Variants in GLOD4 observed in about 807,000 individuals in gnomAD.
The protein encoded by GLOD4 is glyoxalase domain containing 4, also known as glyoxalase domain-containing protein 4.
GLOD4 carries 44 observed loss-of-function variants against 39.1 expected under a neutral mutation model. That is an observed-to-expected ratio of 1.13 (90% confidence interval 0.88 to 1.45). GLOD4 has a LOEUF of 1.45. GLOD4 is among the 40% of genes most tolerant of loss of function. The pLI is 0.00. For synonymous variants in GLOD4, 145 were observed against 135.0 expected (o/e 1.07, Z -0.52); for missense variants, 405 against 366.4 (o/e 1.11, Z -0.86).
In GLOD4 at chr17:782,245, C is replaced by G; in HGVS notation, c.11G>C (p.Arg4Pro). ...TTTGAATACGAAGTGCAGAGCTCTG[C>G]GAGCAGCCATGATTCCCGCCGCACG... MAARRALHFVFKVG... is the reference protein window; with the variant it reads MAAPRALHFVFKVG... Residue 4 changes from arginine (R) to proline (P), a missense_variant, in exon 1 of 9, where the codon CGC becomes CCC. Arg to Pro is a moderately radical substitution (Grantham distance 103, BLOSUM62 -2). Coordinates refer to ENST00000301329, the MANE Select transcript of GLOD4 (RefSeq NM_016080.4). 6.2e-7 allele frequency: 1 copy of G among 1,613,216 alleles called. No individual in the cohort carries two copies. Among genetic ancestry groups the G allele is most frequent in the East Asian group, 2.2e-5 (1 of 44,848 alleles).
At chr17:784,257 C>G (rs533103827), upstream of GLOD4, among the ~76,000 whole-genome samples, 1 of 152,224 alleles carries the variant, frequency 6.6e-6, no homozygotes, top group African/African-American at 2.4e-5. Flanking sequence ...GGGGAACCAT[C>G]TCTTGTCTCT....
intron 8 of GLOD4, among the ~76,000 whole-genome samples, chr17:768,070 G>A (rs1378885164): frequency 2.0e-5 from 3 of 148,024 alleles, no homozygotes; most frequent in East Asian, 4.1e-4. Flanking sequence ...GAGAAACAGC[G>A]CGCACTCAGA....
upstream of GLOD4, chr17:783,591 C>CAG: frequency 6.3e-6 from 2 of 316,182 alleles, no homozygotes; most frequent in South Asian, 3.4e-5. Context: ...CCTGCCTCGG[C>CAG]CTCCCAAAGT....
intron 8 of GLOD4, among the ~76,000 whole-genome samples, chr17:765,821 T>C (rs1425124584): frequency 6.7e-6 from 1 of 150,236 alleles, no homozygotes; most frequent in Non-Finnish European, 1.5e-5. Flanking sequence ...TGGTGGTGCG[T>C]GCCTGTAATC....
chr17:770,662 G>A (rs1907799777), intron 5 of GLOD4, 155 bp from the exon 6 acceptor site: 2 of 552,250 alleles, frequency 3.6e-6, no homozygotes, highest in Non-Finnish European at 6.5e-6. Flanking sequence ...ACACTTTCCT[G>A]TGTATCCTTC....
At chr17:780,395 T>G (rs1275424085) in intron 1 of GLOD4, among the ~76,000 whole-genome samples, 2 of 152,150 alleles carry the variant, frequency 1.3e-5, no homozygotes, top group African/African-American at 4.8e-5. Flanking sequence ...TCCCATCTCC[T>G]TAACTTCAAC....
intron 4 of GLOD4, among the ~76,000 whole-genome samples, chr17:773,411 T>A (rs1908331112): frequency 6.6e-6 from 1 of 152,190 alleles, no homozygotes; most frequent in Non-Finnish European, 1.5e-5. Flanking sequence ...AAAAAGGATA[T>A]ACAGAAATGT....
chr17:782,719 T>C, upstream of GLOD4: 1 of 1,570,136 alleles, frequency 6.4e-7, no homozygotes. Context: ...GCCTGTCGAA[T>C]GTTCTCGTTT....
At chr17:782,793 C>T, upstream of GLOD4, 1 of 1,288,102 alleles carries the variant, frequency 7.8e-7, no homozygotes, top group South Asian at 1.5e-5. Context: ...CAGTACAGCC[C>T]GCTGGTTTTT....
chr17:782,405 G>C (rs762423522), upstream of GLOD4: 3 of 1,613,890 alleles, frequency 1.9e-6, no homozygotes, highest in South Asian at 3.3e-5. Context: ...GACCCGCGAG[G>C]TTTGTCGTGC....
chr17:780,957 G>A (rs76881021), intron 1 of GLOD4, among the ~76,000 whole-genome samples: 1,919 of 122,958 alleles, frequency 0.016, 47 homozygotes, highest in African/African-American at 0.057. Flanking sequence ...TTTTGCTTTC[G>A]TCATCCAGGC....
chr17:771,211 A>T, intron 5 of GLOD4, 114 bp downstream of exon 5: 1 of 649,784 alleles, frequency 1.5e-6, no homozygotes, highest in Non-Finnish European at 2.7e-6. Flanking sequence ...CTGTGAAGAA[A>T]CTATGGGAAC....
In GLOD4 at chr17:769,718, G is replaced by C. The variant is rs908045260; in HGVS notation, c.831+151C>G. 6 of 635,990 alleles carry C rather than the reference G, an allele frequency of 9.4e-6. No individual in the cohort carries two copies. In the East Asian group the frequency reaches 1.4e-4, roughly 14 times the overall value. 39.4% of individuals were successfully genotyped at this position (635,990 alleles called of 1,614,324 possible). Reference sequence around the variant, plus strand: ...AGCAGTCTACACAGGTGGCAGTGAAGACATCGGTCCTTGGCTGAGGTCAAC... The same window carrying C: ...AGCAGTCTACACAGGTGGCAGTGAACACATCGGTCCTTGGCTGAGGTCAAC... On this transcript the variant is annotated intron_variant, in intron 8 of 8. Coordinates refer to ENST00000301329, the MANE Select transcript of GLOD4 (RefSeq NM_016080.4).
chr17:783,855 A>C (rs1443128522), upstream of GLOD4, among the ~76,000 whole-genome samples: 1 of 152,202 alleles, frequency 6.6e-6, no homozygotes, highest in African/African-American at 2.4e-5. Context: ...CTATTCCTCA[A>C]ACCTTCTATT....
At chr17:766,866 TC>T (rs1906663002) in intron 8 of GLOD4, among the ~76,000 whole-genome samples, 1 of 152,196 alleles carries the variant, frequency 6.6e-6, no homozygotes, top group African/African-American at 2.4e-5. Context: ...ACCATTGCAC[TC>T]CACCCTGGGC....
intron 3 of GLOD4, 81 bp from the exon 4 acceptor site, chr17:776,000 G>A (rs1908884060): frequency 9.4e-6 from 10 of 1,061,644 alleles, no homozygotes; most frequent in Non-Finnish European, 1.4e-5. Flanking sequence ...AACCCCTATT[G>A]CCTACTGCCT....
Position 759,539 on chromosome 17 carries a change from C to A in GLOD4, c.*634G>T, listed in dbSNP as rs1905137378. The A allele has an allele frequency of 6.6e-6, 1 of 151,192 alleles. No individual in the cohort carries two copies. Among genetic ancestry groups the A allele is most frequent in the East Asian group, 1.9e-4 (1 of 5,168 alleles). The allele number at this position is 151,192 out of a possible 1,614,324, so 9.4% of individuals were successfully genotyped here. On this transcript the variant is annotated 3_prime_UTR_variant, in exon 9 of 9. Coordinates refer to ENST00000301329, the MANE Select transcript of GLOD4 (RefSeq NM_016080.4). ...AAAATATACACGGAAAAAAATAAAA[C>A]AAAATATATACACAGAAAGAAGCTC...
At chr17:776,808 A>G in intron 3 of GLOD4, 60 bp downstream of exon 3, 1 of 1,327,632 alleles carries the variant, frequency 7.5e-7, no homozygotes, top group Non-Finnish European at 1.1e-6. Context: ...CACTCTACTC[A>G]AATTTACAAC....
chr17:760,322 C>A, intron 8 of GLOD4, 84 bp from the exon 9 acceptor site: 2 of 723,876 alleles, frequency 2.8e-6, no homozygotes, highest in Non-Finnish European at 4.9e-6. Context: ...CTGTACTGAC[C>A]ACAATAAAAA....
Sources: gnomAD v4.1 joint callset for allele counts (sites outside exome capture counted in the v4.1 genomes callset) on GRCh38, gnomAD v4.1.1 for gene constraint, MANE v1.5 for transcripts, NCBI Gene and HGNC (gene_info 2026-07-23, HGNC 2026-07-21) for gene names.